Variants in ZNF442 observed in about 807,000 individuals in gnomAD.
ZNF442 encodes the protein zinc finger protein 442.
In ZNF442, 45 loss-of-function variants were observed where a neutral mutation model predicts 57.0. The observed-to-expected ratio is 0.79, with a 90% CI of 0.62 to 1.01. The LOEUF (loss-of-function observed/expected upper bound fraction) is 1.01. ZNF442 is among the 50% of genes least tolerant of loss of function. The pLI is 0.00. For missense variants in ZNF442, 690 were observed against 756.5 expected (o/e 0.91, Z 1.03); for synonymous variants, 213 against 241.8 (o/e 0.88, Z 1.10).
intron 2 of ZNF442, among the ~76,000 whole-genome samples, chr19:12,364,101 G>A (rs1392370464): frequency 6.6e-6 from 1 of 152,126 alleles, no homozygotes; most frequent in Non-Finnish European, 1.5e-5. Context: ...GAAATGTTCA[G>A]GAACACAAAT....
rs1203519740 is a variant in ZNF442 at position 12,365,051 on chromosome 19, C to G, written c.-290G>C. ...CCGTCCCAGGATTCGCCTGTCACTT[C>G]CCCACCAACCAGCGACCCCACACTT... On this transcript the variant is annotated 5_prime_UTR_variant, in exon 2 of 6. Coordinates refer to ENST00000242804, the MANE Select transcript of ZNF442 (RefSeq NM_030824.3). 1 of 152,814 alleles carries G rather than the reference C, an allele frequency of 6.5e-6. No individual in the cohort carries two copies. The highest frequency in any genetic ancestry group is 1.5e-5 in the Non-Finnish European group (1 of 68,532). The allele number at this position is 152,814 out of a possible 1,614,324, so 9.5% of individuals were successfully genotyped here. A position where few individuals can be genotyped will look rare whatever the true frequency, so the allele number is the denominator to read the frequency against.
chr19:12,354,465 CA>C (rs2144822360), intron 3 of ZNF442, among the ~76,000 whole-genome samples: 1 of 151,808 alleles, frequency 6.6e-6, no homozygotes, highest in Non-Finnish European at 1.5e-5. Flanking sequence ...TAGTAGTCAA[CA>C]AAAAAAGATA....
At position 12,351,120 on chromosome 19, in the gene ZNF442, A is replaced by G. The variant is rs372360440; in HGVS notation, c.465T>C (p.His155=). The G allele has an allele frequency of 7.4e-6, 12 of 1,613,976 alleles. No homozygotes were observed. The African/African-American group carries it at 1.5e-4, about 20-fold the overall frequency. The stretch of plus-strand genomic sequence containing the variant: ...AATTGAAGGCTGTCCCACATTGTTT[A>G]TGTGTATGTGGCTTCTCTCCATATT... The part of the protein sequence containing the change: ...CQEYGEKPHT[H]KQCGTAFNYH... Residue 155 remains histidine, a synonymous_variant, in exon 6 of 6, where the codon CAT becomes CAC. Transcript: ENST00000242804.
Position 12,349,071 on chromosome 19 carries a change from T to A in ZNF442, c.*630A>T, listed in dbSNP as rs1969171230. 1 of 145,624 alleles carries A rather than the reference T, an allele frequency of 6.9e-6. No individual in the cohort carries two copies. 9.0% of individuals were successfully genotyped at this position (145,624 alleles called of 1,614,324 possible). A position where few individuals can be genotyped will look rare whatever the true frequency, so the allele number is the denominator to read the frequency against. On this transcript the variant is annotated 3_prime_UTR_variant, in exon 6 of 6. Transcript: ENST00000242804. The stretch of plus-strand genomic sequence containing the variant: ...AAAAAATTAGCTGGGTGTGGTGGCA[T>A]GCATCTGTAATCCCAGCTACTCAGG...
chr19:12,365,894 G>A (rs2144851957), upstream of ZNF442: 1 of 153,106 alleles, frequency 6.5e-6, no homozygotes, highest in South Asian at 2.1e-4. Flanking sequence ...CCTCCCAGGG[G>A]ACATTTGCAT....
At chr19:12,365,462 C>T in intron 1 of ZNF442, 71 bp downstream of exon 1, 1 of 387,652 alleles carries the variant, frequency 2.6e-6, no homozygotes, top group Middle Eastern at 6.3e-4. Context: ...CCGGGTCCCG[C>T]CACAGCCGGT....
At chr19:12,370,318 G>A (rs189977738), upstream of ZNF442, among the ~76,000 whole-genome samples, 2 of 152,062 alleles carry the variant, frequency 1.3e-5, no homozygotes, top group East Asian at 3.9e-4. Flanking sequence ...GTGCTCCTAT[G>A]AGAATCTAAT....
intron 3 of ZNF442, among the ~76,000 whole-genome samples, chr19:12,358,510 C>G (rs1338887432): frequency 6.6e-6 from 1 of 152,164 alleles, no homozygotes; most frequent in Non-Finnish European, 1.5e-5. Context: ...GTGCAGGTAT[C>G]TTTTTGGTGT....
the ZNF442 span, among the ~76,000 whole-genome samples, chr19:12,371,949 A>G: frequency 2.0e-5 from 3 of 152,236 alleles, no homozygotes; most frequent in Non-Finnish European, 4.4e-5. Flanking sequence ...GACAAGTGGG[A>G]TCTAATTAAA....
In ZNF442 at chr19:12,364,839, G is replaced by A. The variant is rs1252038730; in HGVS notation, c.-78C>T. 1 of 152,124 alleles carries A rather than the reference G, an allele frequency of 6.6e-6. No homozygotes were observed. Among genetic ancestry groups the A allele is most frequent in the African/African-American group, 2.4e-5 (1 of 41,410 alleles). The allele number at this position is 152,124 out of a possible 1,614,324, so 9.4% of individuals were successfully genotyped here. A position where few individuals can be genotyped will look rare whatever the true frequency, so the allele number is the denominator to read the frequency against. On this transcript the variant is annotated 5_prime_UTR_variant, in exon 2 of 6. Coordinates refer to ENST00000242804, the MANE Select transcript of ZNF442 (RefSeq NM_030824.3). The stretch of plus-strand genomic sequence containing the variant: ...TGCCTCGCGGGGGCCGCCTTCCTGA[G>A]AGTCAGGTCACAGAAGACACTGACC...
intron 3 of ZNF442, among the ~76,000 whole-genome samples, chr19:12,361,892 A>G (rs1021060004): frequency 6.6e-6 from 1 of 152,058 alleles, no homozygotes; most frequent in Admixed American, 6.5e-5. Context: ...ACTGGTTTTC[A>G]TATTTTTTTG....
rs1328316258 is a variant in ZNF442 at position 12,363,408 on chromosome 19, C to G, written c.78+146G>C. ...TCATCCCATCTCCTGGGACATTAGTCACCCCCATCTGCTCAGTAAAGTGCT... is the reference window on the plus strand; with the variant it reads ...TCATCCCATCTCCTGGGACATTAGTGACCCCCATCTGCTCAGTAAAGTGCT... On this transcript the variant is annotated intron_variant, in intron 3 of 5. Coordinates refer to ENST00000242804, the MANE Select transcript of ZNF442 (RefSeq NM_030824.3). 1.4e-5 allele frequency: 10 copies of G among 698,682 alleles called. No homozygotes were observed. The African/African-American group carries it at 1.8e-4, about 12-fold the overall frequency. 43.3% of individuals were successfully genotyped at this position (698,682 alleles called of 1,614,324 possible).
the ZNF442 span, among the ~76,000 whole-genome samples, chr19:12,372,951 T>G: frequency 6.6e-6 from 1 of 152,174 alleles, no homozygotes; most frequent in African/African-American, 2.4e-5. Flanking sequence ...TTTTTGTATT[T>G]TTAGTAGAGA....
At chr19:12,362,653 G>T (rs531696795) in intron 3 of ZNF442, among the ~76,000 whole-genome samples, 1 of 136,224 alleles carries the variant, frequency 7.3e-6, no homozygotes, top group Non-Finnish European at 1.5e-5. Context: ...CTGCCCGGCC[G>T]CCCCGTCTGG....
chr19:12,362,885 G>GAA (rs901065168), intron 3 of ZNF442, among the ~76,000 whole-genome samples: 10 of 135,414 alleles, frequency 7.4e-5, no homozygotes, highest in Non-Finnish European at 1.1e-4. Context: ...TCTGCCTTGG[G>GAA]AAAAAAAAAA....
rs1257858168 is a variant in ZNF442 at position 12,352,010 on chromosome 19, C to T, written c.266G>A (p.Arg89Lys). The T allele has an allele frequency of 1.2e-6, 2 of 1,613,286 alleles. No individual in the cohort carries two copies. Among genetic ancestry groups the T allele is most frequent in the Non-Finnish European group, 1.7e-6 (2 of 1,179,654 alleles). ...TCTTTCTCTTGTGAGTGCAAATTAC[C>T]TTAGGCTCCTCCTGGGATTTCTGTG... ...DQHRNPRRSL[R>K]CHIIERFSES... Residue 89 changes from arginine (R) to lysine (K), a missense_variant and splice_region_variant, in exon 5 of 6, where the codon AGA becomes AAA. Transcript: ENST00000242804.
upstream of ZNF442, among the ~76,000 whole-genome samples, chr19:12,369,113 C>CA (rs963892136): frequency 9.9e-4 from 143 of 144,752 alleles, no homozygotes; most frequent in African/African-American, 2.7e-3. Flanking sequence ...CCTAATGGAA[C>CA]AAAAAAAAAA....
upstream of ZNF442, among the ~76,000 whole-genome samples, chr19:12,370,186 C>T (rs1305144728): frequency 6.6e-6 from 1 of 151,376 alleles, no homozygotes; most frequent in Non-Finnish European, 1.5e-5. Context: ...GAGCCCTGAG[C>T]TTGTTTTCCT....
upstream of ZNF442, among the ~76,000 whole-genome samples, chr19:12,366,926 C>T (rs779132820): frequency 1.3e-5 from 2 of 152,342 alleles, no homozygotes; most frequent in Admixed American, 6.5e-5. Context: ...TGAGCCACCA[C>T]GCCTGGCCTG....
Sources: gnomAD v4.1 joint callset for allele counts (sites outside exome capture counted in the v4.1 genomes callset) on GRCh38, gnomAD v4.1.1 for gene constraint, MANE v1.5 for transcripts, NCBI Gene and HGNC (gene_info 2026-07-23, HGNC 2026-07-21) for gene names.